The following PIP variants were observed in gnomAD, a reference collection of about 807,000 sequenced individuals.
PIP encodes prolactin induced protein.
In PIP, 9 loss-of-function variants were observed where a neutral mutation model predicts 12.8. The ratio of observed to expected loss-of-function variants is 0.70; its 90% CI spans 0.42 to 1.23. The LOEUF is 1.23. PIP is among the 50% of genes most tolerant of loss of function. PIP has a pLI of 0.00. For missense variants in PIP, 172 were observed against 179.5 expected (o/e 0.96, Z 0.24); for synonymous variants, 60 against 66.1 (o/e 0.91, Z 0.45).
intron 1 of PIP, 50 bp from the exon 2 acceptor site, chr7:143,135,144 A>T (rs188623517): frequency 7.2e-5 from 71 of 982,976 alleles, no homozygotes; most frequent in Admixed American, 4.5e-4. Flanking sequence ...CCCCTCACTC[A>T]AAGATTGGTC....
intron 1 of PIP, among the ~76,000 whole-genome samples, chr7:143,133,839 A>G (rs761198179): frequency 8.6e-5 from 13 of 151,672 alleles, no homozygotes; most frequent in Non-Finnish European, 1.3e-4. Flanking sequence ...TTATTTTTCC[A>G]TAAGTTACTG....
chr7:143,138,887 T>C (rs1255323255), intron 2 of PIP, among the ~76,000 whole-genome samples, 188 bp from the exon 3 acceptor site: 4 of 152,098 alleles, frequency 2.6e-5, no homozygotes, highest in Non-Finnish European at 4.4e-5. Flanking sequence ...TTTGAGGGCA[T>C]TGGAAGGGAA....
chr7:143,132,854 T>C (rs1047475142), intron 1 of PIP, among the ~76,000 whole-genome samples: 3 of 151,998 alleles, frequency 2.0e-5, no homozygotes, highest in Non-Finnish European at 4.4e-5. Flanking sequence ...AAGTAGAAAA[T>C]GGAGCCAAGG....
chr7:143,136,518 T>C (rs182415685), intron 2 of PIP, among the ~76,000 whole-genome samples: 4 of 152,200 alleles, frequency 2.6e-5, no homozygotes, highest in Non-Finnish European at 4.4e-5. Flanking sequence ...TCCAAGAATC[T>C]GAGACATGTA....
intron 2 of PIP, among the ~76,000 whole-genome samples, chr7:143,137,917 A>AGG (rs1563016832): frequency 1.9e-4 from 29 of 150,566 alleles, no homozygotes; most frequent in South Asian, 1.3e-3. Flanking sequence ...AAAAAAAAAA[A>AGG]GGGAAACAAG....
At chr7:143,133,352 G>A (rs907190741) in intron 1 of PIP, among the ~76,000 whole-genome samples, 2 of 151,960 alleles carry the variant, frequency 1.3e-5, no homozygotes, top group Non-Finnish European at 2.9e-5. Context: ...AAGTTGCTTA[G>A]GTATTTATAC....
chr7:143,139,448 T>G lies in PIP; in HGVS notation c.317-70T>G. The G allele has an allele frequency of 1.7e-5, 26 of 1,574,786 alleles. 1 individual carries two copies. Among genetic ancestry groups the G allele is most frequent in the Non-Finnish European group, 2.3e-5 (26 of 1,151,328 alleles). On this transcript the variant is annotated intron_variant, in intron 3 of 3. Transcript: ENST00000291009. The stretch of plus-strand genomic sequence containing the variant: ...AACTGAACCCCAGGGGGCAGATGCC[T>G]GATATGAGTAGAAAAGACAGGACAT...
At chr7:143,132,235 C>A (rs1463587030) in intron 1 of PIP, 24 bp downstream of exon 1, 2 of 1,605,840 alleles carry the variant, frequency 1.2e-6, no homozygotes, top group Non-Finnish European at 8.5e-7. Context: ...TTCTCCTCCC[C>A]ACAAAAAAAA....
intron 3 of PIP, 58 bp from the exon 4 acceptor site, chr7:143,139,460 A>G (rs181989270): frequency 6.3e-7 from 1 of 1,596,302 alleles, no homozygotes; most frequent in East Asian, 2.2e-5. Flanking sequence ...ATATGAGTAG[A>G]AAAGACAGGA....
intron 2 of PIP, among the ~76,000 whole-genome samples, chr7:143,138,065 C>T (rs987485284): frequency 2.6e-4 from 40 of 152,166 alleles, no homozygotes; most frequent in East Asian, 3.9e-4. Context: ...GCTGAGCAAG[C>T]TGCAGGAGGT....
intron 1 of PIP, 21 bp downstream of exon 1, chr7:143,132,232 C>T: frequency 6.2e-7 from 1 of 1,608,436 alleles, no homozygotes; most frequent in Non-Finnish European, 8.5e-7. Flanking sequence ...CCCTTCTCCT[C>T]CCCACAAAAA....
chr7:143,134,214 ATATATATATATATATATATAC>A (rs1799277260), intron 1 of PIP, among the ~76,000 whole-genome samples: 2 of 127,736 alleles, frequency 1.6e-5, no homozygotes, highest in African/African-American at 6.1e-5. Context: ...ATATATATAT[ATATATATATATATATATATAC>A]CACAGTTTCT....
In PIP at chr7:143,133,354, T is replaced by C. The variant is rs1799263885; in HGVS notation, c.95+1143T>C. ...GGGAGAGATTTTGAAGTTGCTTAGGTATTTATACCCTTTTCCTGTGCACTG... is the reference window on the plus strand; with the variant it reads ...GGGAGAGATTTTGAAGTTGCTTAGGCATTTATACCCTTTTCCTGTGCACTG... On this transcript the variant is annotated intron_variant, in intron 1 of 3. Transcript: ENST00000291009. 2.0e-5 allele frequency among the ~76,000 whole-genome samples: 3 copies of C among 152,004 alleles called. No individual in the cohort carries two copies. In the South Asian group the frequency reaches 6.2e-4, roughly 32 times the overall value.
intron 2 of PIP, among the ~76,000 whole-genome samples, chr7:143,137,121 G>A (rs947998554): frequency 3.3e-5 from 5 of 151,796 alleles, no homozygotes; most frequent in Middle Eastern, 3.2e-3. Context: ...ACCTACAATC[G>A]TATATTTGAA....
At chr7:143,135,323 A>G (rs761214371) in intron 2 of PIP, 24 bp downstream of exon 2, 10 of 1,058,842 alleles carry the variant, frequency 9.4e-6, no homozygotes. Flanking sequence ...TGGGGGCGTG[A>G]CTTCAAAAGA....
Position 143,135,290 on chromosome 7 carries a change from A to G in PIP, c.192A>G (p.Glu64=). The stretch of plus-strand genomic sequence containing the variant: ...TTGCAGTTCAAACAGAATTGAAAGA[A>G]TGCATGGTGGTAAGTAGAGGACTGG... The part of the protein sequence containing the change: ...AVLAVQTELK[E]CMVVKTYLIS... The change falls in exon 2 of 4, where the codon GAA becomes GAG. Residue 64 remains glutamate (E), a synonymous_variant. Coordinates refer to ENST00000291009, the MANE Select transcript of PIP (RefSeq NM_002652.3). 6.5e-7 allele frequency: 1 copy of G among 1,548,088 alleles called. No homozygotes were observed. The highest frequency in any genetic ancestry group is 8.9e-7 in the Non-Finnish European group (1 of 1,119,778).
chr7:143,134,233 T>TATATATAAA (rs1277832613), intron 1 of PIP, among the ~76,000 whole-genome samples: 1 of 86,374 alleles, frequency 1.2e-5, no homozygotes, highest in African/African-American at 4.6e-5. Context: ...TATATATATA[T>TATATATAAA]ACCACAGTTT....
At chr7:143,136,677 T>G (rs1799313473) in intron 2 of PIP, among the ~76,000 whole-genome samples, 1 of 152,066 alleles carries the variant, frequency 6.6e-6, no homozygotes, top group Non-Finnish European at 1.5e-5. Flanking sequence ...GTGGTAATAG[T>G]TAATGGTAGT....
At chr7:143,134,920 G>A (rs892939958) in intron 1 of PIP, among the ~76,000 whole-genome samples, 8 of 152,010 alleles carry the variant, frequency 5.3e-5, no homozygotes, top group Non-Finnish European at 7.4e-5. Flanking sequence ...ACCCAGTAGT[G>A]GGATTGCTGG....
Sources: gnomAD v4.1 joint callset for allele counts (sites outside exome capture counted in the v4.1 genomes callset) on GRCh38, gnomAD v4.1.1 for gene constraint, MANE v1.5 for transcripts, NCBI Gene and HGNC (gene_info 2026-07-23, HGNC 2026-07-21) for gene names.